COG6: variants seen among roughly 807,000 people sequenced by gnomAD.
COG6 encodes the protein conserved oligomeric Golgi complex subunit 6.
A neutral mutation model predicts 88.8 loss-of-function variants in COG6; 74 were observed. That is an observed-to-expected ratio of 0.83 (90% CI 0.69 to 1.01). The LOEUF (loss-of-function observed/expected upper bound fraction) is 1.01. Ranked by LOEUF, COG6 falls within the 50% of genes least tolerant of loss-of-function variation. The pLI is 0.00. For missense variants in COG6, 800 were observed against 797.9 expected (o/e 1.00, Z -0.03); for synonymous variants, 286 against 278.7 (o/e 1.03, Z -0.26).
At chr13:39,738,861 T>C (rs2138118651) in intron 18 of COG6, among the ~76,000 whole-genome samples, 1 of 152,230 alleles carries the variant, frequency 6.6e-6, no homozygotes, top group Non-Finnish European at 1.5e-5. Flanking sequence ...GTGCATTTAA[T>C]AGCAGAGCTG....
At chr13:39,734,750 A>G (rs1174410044) in intron 18 of COG6, among the ~76,000 whole-genome samples, 2 of 152,132 alleles carry the variant, frequency 1.3e-5, no homozygotes, top group Non-Finnish European at 2.9e-5. Flanking sequence ...ATTATCTCTA[A>G]TAATGCTTGC....
chr13:39,699,185 A>G (rs960924025), intron 12 of COG6, among the ~76,000 whole-genome samples: 1 of 151,600 alleles, frequency 6.6e-6, no homozygotes, highest in Admixed American at 6.6e-5. Context: ...TGAGATATAT[A>G]TTTACTCTAA....
chr13:39,782,717 C>G (rs1278788611), intron 18 of COG6, among the ~76,000 whole-genome samples: 1 of 152,174 alleles, frequency 6.6e-6, no homozygotes, highest in Non-Finnish European at 1.5e-5. Flanking sequence ...GCTGCCTCCC[C>G]CCATCACAAC....
chr13:39,687,247 C>T (rs891447165), intron 8 of COG6, among the ~76,000 whole-genome samples: 3 of 152,092 alleles, frequency 2.0e-5, no homozygotes, highest in Non-Finnish European at 4.4e-5. Flanking sequence ...ATTACTGCTG[C>T]CTCTGCTTTA....
At chr13:39,768,333 C>T (rs558017645) in intron 18 of COG6, among the ~76,000 whole-genome samples, 18 of 152,244 alleles carry the variant, frequency 1.2e-4, no homozygotes, top group Non-Finnish European at 2.5e-4. Flanking sequence ...CTCCTCCTGG[C>T]CCCTACTGCC....
At chr13:39,690,807 T>A (rs4943693) in intron 11 of COG6, among the ~76,000 whole-genome samples, 110,365 of 151,642 alleles carry the variant, frequency 0.73, 40,386 homozygotes, top group Admixed American at 0.82. Flanking sequence ...AATAAATGGC[T>A]AAGTATCTTG....
At chr13:39,766,530 A>G (rs891736090) in intron 18 of COG6, among the ~76,000 whole-genome samples, 4 of 151,494 alleles carry the variant, frequency 2.6e-5, no homozygotes, top group Non-Finnish European at 5.9e-5. Flanking sequence ...ATCCTACCCC[A>G]TCCCATACTC....
At chr13:39,734,047 A>G (rs1045254354) in intron 18 of COG6, among the ~76,000 whole-genome samples, 7 of 152,082 alleles carry the variant, frequency 4.6e-5, no homozygotes, top group South Asian at 2.1e-4. Context: ...AATTTTGTCT[A>G]TCTTTTCAAA....
Position 39,724,502 on chromosome 13 carries a change from A to T in COG6, c.1693-6A>T, listed in dbSNP as rs78336861. ...GATCTGCTTTTTTTTTTTTTTTTTT[A>T]AATAGGGCTCTTTAGCTAATATGCC... On this transcript the variant is annotated splice_region_variant and splice_polypyrimidine_tract_variant and intron_variant, in intron 16 of 18. Transcript: ENST00000455146. 0.11 allele frequency: 90,557 copies of T among 851,404 alleles called. 2,504 individuals are homozygous for T. Among genetic ancestry groups the T allele is most frequent in the Admixed American group, 0.32 (6,101 of 19,118 alleles). The allele number at this position is 851,404 out of a possible 1,614,324, so 52.7% of individuals were successfully genotyped here. A position where few individuals can be genotyped will look rare whatever the true frequency, so the allele number is the denominator to read the frequency against.
At chr13:39,744,380 T>TA (rs1795781131) in intron 18 of COG6, among the ~76,000 whole-genome samples, 1 of 152,198 alleles carries the variant, frequency 6.6e-6, no homozygotes, top group Non-Finnish European at 1.5e-5. Context: ...AAAATCTCCT[T>TA]ACGCTGACAA....
intron 18 of COG6, among the ~76,000 whole-genome samples, chr13:39,769,273 T>C (rs1881251756): frequency 6.6e-6 from 1 of 152,216 alleles, no homozygotes; most frequent in South Asian, 2.1e-4. Flanking sequence ...ATGAGAATGT[T>C]CAAGATTATA....
chr13:39,748,401 G>A (rs543649005), intron 18 of COG6, among the ~76,000 whole-genome samples: 151 of 152,102 alleles, frequency 9.9e-4, no homozygotes, highest in African/African-American at 3.2e-3. Flanking sequence ...GATCACCTGA[G>A]GTCAGGATTT....
intron 12 of COG6, among the ~76,000 whole-genome samples, chr13:39,698,409 A>G (rs1877392847): frequency 6.6e-6 from 1 of 152,014 alleles, no homozygotes; most frequent in South Asian, 2.1e-4. Context: ...TCTTTAAAAT[A>G]TAAGTATTAT....
At chr13:39,767,784 C>T (rs9548929) in intron 18 of COG6, among the ~76,000 whole-genome samples, 63,673 of 152,024 alleles carry the variant, frequency 0.42, 13,735 homozygotes, top group Admixed American at 0.57. Context: ...GAATCTGCCA[C>T]GAAGGCAACT....
intron 18 of COG6, among the ~76,000 whole-genome samples, chr13:39,747,930 A>G (rs1263043016): frequency 6.6e-6 from 1 of 152,210 alleles, no homozygotes; most frequent in African/African-American, 2.4e-5. Context: ...ACTTTTAAAA[A>G]TCATATTCAA....
chr13:39,667,935 G>T (rs554100051), intron 4 of COG6, among the ~76,000 whole-genome samples: 4 of 152,222 alleles, frequency 2.6e-5, no homozygotes, highest in South Asian at 2.1e-4. Flanking sequence ...TTTTAAAGGA[G>T]AAATTTAGGC....
intron 5 of COG6, 197 bp from the exon 6 acceptor site, chr13:39,679,341 T>C: frequency 1.7e-6 from 1 of 571,604 alleles, no homozygotes; most frequent in Non-Finnish European, 3.2e-6. Flanking sequence ...ACTGAATTAA[T>C]ATATTAATAT....
At chr13:39,685,830 A>G (rs555675575) in intron 8 of COG6, among the ~76,000 whole-genome samples, 12 of 151,612 alleles carry the variant, frequency 7.9e-5, no homozygotes, top group African/African-American at 2.2e-4. Flanking sequence ...CAATTATGCA[A>G]TTTAGCAAAA....
chr13:39,675,718 A>G (rs985477655), intron 4 of COG6, among the ~76,000 whole-genome samples: 1 of 152,084 alleles, frequency 6.6e-6, no homozygotes, highest in Non-Finnish European at 1.5e-5. Context: ...TAAAGAGACA[A>G]ATTTTCCTTT....
Sources: allele counts gnomAD v4.1 joint callset (sites outside exome capture counted in the v4.1 genomes callset), GRCh38; gene constraint gnomAD v4.1.1; transcripts MANE v1.5; gene names NCBI Gene and HGNC (gene_info 2026-07-23, HGNC 2026-07-21).